Variants in EPC2 observed in about 807,000 individuals in gnomAD.
EPC2 encodes the protein enhancer of polycomb 2.
In EPC2, 14 loss-of-function variants were observed where a neutral mutation model predicts 92.1. That is an observed-to-expected ratio of 0.15 (90% CI 0.10 to 0.24). The LOEUF is 0.24. Among genes scored for constraint, EPC2 ranks in the 10% least tolerant of loss-of-function variants. EPC2 has a pLI of 1.00. For synonymous variants in EPC2, 340 were observed against 334.7 expected (o/e 1.02, Z -0.17); for missense variants, 755 against 971.5 (o/e 0.78, Z 2.96).
chr2:148,707,467 G>A (rs1682026790), intron 2 of EPC2, among the ~76,000 whole-genome samples: 1 of 152,176 alleles, frequency 6.6e-6, no homozygotes, highest in Non-Finnish European at 1.5e-5. Flanking sequence ...AGGATATCCA[G>A]AACTTGAACT....
At chr2:148,731,842 T>C (rs560613072) in intron 2 of EPC2, among the ~76,000 whole-genome samples, 4 of 152,254 alleles carry the variant, frequency 2.6e-5, no homozygotes, top group African/African-American at 9.6e-5. Context: ...AAATAATCTT[T>C]TGATTTATCT....
chr2:148,736,016 G>A (rs1407535303), intron 2 of EPC2, among the ~76,000 whole-genome samples: 4 of 152,032 alleles, frequency 2.6e-5, no homozygotes, highest in African/African-American at 7.2e-5. Flanking sequence ...GAAAGAGGAA[G>A]GTTCTCTTTG....
chr2:148,748,914 G>C (rs12986673), intron 3 of EPC2, among the ~76,000 whole-genome samples: 27,826 of 151,894 alleles, frequency 0.18, 3,266 homozygotes, highest in East Asian at 0.49. Context: ...TTATTTTTCA[G>C]CTGGACCACT....
intron 2 of EPC2, among the ~76,000 whole-genome samples, chr2:148,715,116 C>T (rs1041635645): frequency 1.4e-5 from 2 of 143,098 alleles, no homozygotes; most frequent in African/African-American, 5.2e-5. Flanking sequence ...TCACTGCAAG[C>T]TCCGCCTCCC....
At chr2:148,657,097 A>G (rs1012310723) in intron 1 of EPC2, among the ~76,000 whole-genome samples, 2 of 152,048 alleles carry the variant, frequency 1.3e-5, no homozygotes, top group Non-Finnish European at 2.9e-5. Context: ...TCTAGTGTAG[A>G]GTCACCTTTT....
At chr2:148,692,565 TA>T (rs1280852773) in intron 2 of EPC2, 38 of 152,326 alleles carry the variant, frequency 2.5e-4, no homozygotes, top group African/African-American at 8.2e-4. Flanking sequence ...TATTTATGTA[TA>T]TTTTTTTCTC....
intron 1 of EPC2, among the ~76,000 whole-genome samples, chr2:148,673,727 G>A (rs954511266): frequency 6.6e-6 from 1 of 152,072 alleles, no homozygotes; most frequent in South Asian, 2.1e-4. Context: ...GGGATTACAG[G>A]TGTGCCTCAC....
At chr2:148,761,601 G>C (rs1481315044) in intron 4 of EPC2, among the ~76,000 whole-genome samples, 181 bp from the exon 5 acceptor site, 1 of 151,974 alleles carries the variant, frequency 6.6e-6, no homozygotes, top group Non-Finnish European at 1.5e-5. Context: ...AGAGATACTT[G>C]CTTGTACTTA....
At chr2:148,744,999 C>CCCG (rs1553448446) in intron 3 of EPC2, among the ~76,000 whole-genome samples, 13 of 129,284 alleles carry the variant, frequency 1.0e-4, no homozygotes, top group Admixed American at 9.2e-4. Context: ...GCCCCCCCCC[C>CCCG]CCGCACCATT....
In EPC2 at chr2:148,774,622, T is replaced by TA. The variant is rs1553450861; in HGVS notation, c.1720+3235_1720+3236insA. 3.4e-4 allele frequency among the ~76,000 whole-genome samples: 37 copies of TA among 108,378 alleles called. 2 individuals are homozygous for TA. The East Asian group carries it at 0.022, about 64-fold the overall frequency. 71.1% of individuals were successfully genotyped at this position (108,378 alleles called of 152,430 possible). Reference sequence around the variant, plus strand: ...ACCCTGACTCAAAAAAAAAAATATATTTTATATATATATATATATGCATGT... The same window carrying TA: ...ACCCTGACTCAAAAAAAAAAATATATATTTATATATATATATATATGCATGT... On this transcript the variant is annotated intron_variant, in intron 10 of 13. Coordinates refer to ENST00000258484, the MANE Select transcript of EPC2 (RefSeq NM_015630.4).
At chr2:148,646,943 C>T (rs1459671254) in intron 1 of EPC2, among the ~76,000 whole-genome samples, 1 of 152,064 alleles carries the variant, frequency 6.6e-6, no homozygotes, top group African/African-American at 2.4e-5. Flanking sequence ...AACTCCGTCT[C>T]CACTAAAAAT....
At chr2:148,759,969 G>A (rs572043823) in intron 4 of EPC2, among the ~76,000 whole-genome samples, 3 of 152,066 alleles carry the variant, frequency 2.0e-5, no homozygotes, top group African/African-American at 4.8e-5. Flanking sequence ...GAGGCTGGGG[G>A]CAGTGGCTCA....
intron 4 of EPC2, among the ~76,000 whole-genome samples, chr2:148,758,442 C>T (rs1453423827): frequency 1.3e-5 from 2 of 152,096 alleles, no homozygotes; most frequent in Non-Finnish European, 2.9e-5. Flanking sequence ...GTTGCCCAGG[C>T]TGAAATGTAG....
Position 148,781,709 on chromosome 2 carries a change from C to G in EPC2, c.1786C>G (p.Gln596Glu). ...HQQQLVQMQRQQLAQLQQKQQ... is the reference protein window; with the variant it reads ...HQQQLVQMQREQLAQLQQKQQ... ...GCAGCAGTTAGTTCAGATGCAAAGG[C>G]AGCAACTTGCCCAGCTTCAGCAGAA... The change falls in exon 11 of 14, where the codon CAG (glutamine) becomes GAG (glutamate). Residue 596 changes from glutamine (Q) to glutamate (E), a missense_variant. Physicochemically the swap from Gln to Glu is conservative, Grantham distance 29. Around this residue, in one of 4 missense-constraint regions of EPC2, gnomAD observed 207 missense variants for 260.5 expected, o/e 0.79. Coordinates refer to ENST00000258484, the MANE Select transcript of EPC2 (RefSeq NM_015630.4). 6.2e-7 allele frequency: 1 copy of G among 1,613,978 alleles called. No individual in the cohort carries two copies. The highest frequency in any genetic ancestry group is 8.5e-7 in the Non-Finnish European group (1 of 1,179,862).
intron 2 of EPC2, among the ~76,000 whole-genome samples, chr2:148,696,570 G>T (rs1265107215): frequency 6.6e-6 from 1 of 152,198 alleles, no homozygotes; most frequent in Admixed American, 6.5e-5. Context: ...TAGCCATGAT[G>T]TGATTACAAA....
intron 1 of EPC2, among the ~76,000 whole-genome samples, chr2:148,683,941 G>A (rs1681462446): frequency 6.6e-6 from 1 of 152,174 alleles, no homozygotes; most frequent in Admixed American, 6.5e-5. Flanking sequence ...TCTCCATACT[G>A]TTTTTCCATA....
At chr2:148,767,516 T>C (rs1683432884) in intron 7 of EPC2, among the ~76,000 whole-genome samples, 1 of 152,198 alleles carries the variant, frequency 6.6e-6, no homozygotes, top group South Asian at 2.1e-4. Flanking sequence ...TGTTTACCTA[T>C]ATTTGGGCGT....
intron 1 of EPC2, among the ~76,000 whole-genome samples, chr2:148,679,033 A>G (rs1681337191): frequency 1.3e-5 from 2 of 152,246 alleles, no homozygotes; most frequent in Non-Finnish European, 2.9e-5. Context: ...TGGGTGACAG[A>G]GTGCGACCCT....
intron 2 of EPC2, among the ~76,000 whole-genome samples, chr2:148,703,717 C>T (rs944267903): frequency 4.6e-5 from 7 of 152,066 alleles, no homozygotes; most frequent in Non-Finnish European, 1.0e-4. Context: ...TGCTTTTAGA[C>T]ACAGGATCTC....
Sources: gnomAD v4.1 joint callset for allele counts (sites outside exome capture counted in the v4.1 genomes callset) on GRCh38, gnomAD v4.1.1 for gene constraint, gnomAD v4.1.1 regional missense constraint, MANE v1.5 for transcripts, NCBI Gene and HGNC (gene_info 2026-07-23, HGNC 2026-07-21) for gene names.